The following LIPN variants were observed in gnomAD, a reference collection of about 807,000 sequenced individuals.
LIPN encodes lipase member N.
A neutral mutation model predicts 43.7 loss-of-function variants in LIPN; 32 were observed. The ratio of observed to expected loss-of-function variants is 0.73; its 90% CI spans 0.55 to 0.98. LIPN has a LOEUF of 0.98. Among genes scored for constraint, LIPN ranks in the 50% least tolerant of loss-of-function variants. LIPN has a pLI of 0.00. For missense variants in LIPN, 505 were observed against 483.8 expected (o/e 1.04, Z -0.41); for synonymous variants, 156 against 157.6 (o/e 0.99, Z 0.08).
upstream of LIPN, among the ~76,000 whole-genome samples, chr10:88,758,219 GT>G (rs1285908819): frequency 6.6e-6 from 1 of 152,000 alleles, no homozygotes; most frequent in Admixed American, 6.6e-5. Context: ...AACCATGTGT[GT>G]TCCACCATCT....
intron 7 of LIPN, among the ~76,000 whole-genome samples, chr10:88,772,771 A>T (rs1176461428): frequency 6.6e-6 from 1 of 151,820 alleles, no homozygotes; most frequent in East Asian, 1.9e-4. Flanking sequence ...GCTAGAACTG[A>T]TAAACAAATT....
chr10:88,766,564 T>C (rs1843103589), intron 5 of LIPN, among the ~76,000 whole-genome samples, 186 bp downstream of exon 5: 1 of 151,918 alleles, frequency 6.6e-6, no homozygotes, highest in Non-Finnish European at 1.5e-5. Flanking sequence ...AGACTATATG[T>C]AGGGCAAACC....
At chr10:88,758,372 A>AAC (rs1179032695), upstream of LIPN, among the ~76,000 whole-genome samples, 5 of 151,074 alleles carry the variant, frequency 3.3e-5, no homozygotes, top group Non-Finnish European at 7.4e-5. Context: ...ATTAAAAAAA[A>AAC]AAAAAAGGAA....
intron 7 of LIPN, among the ~76,000 whole-genome samples, chr10:88,772,292 G>T (rs1343206333): frequency 1.3e-5 from 2 of 151,786 alleles, no homozygotes; most frequent in Non-Finnish European, 2.9e-5. Context: ...GTTTGCTTTG[G>T]TTGCCTGTGC....
chr10:88,758,145 G>A (rs892681124), upstream of LIPN, among the ~76,000 whole-genome samples: 4 of 151,976 alleles, frequency 2.6e-5, no homozygotes, highest in Non-Finnish European at 5.9e-5. Context: ...GTTTTGAATA[G>A]GACATTGGAA....
chr10:88,759,308 T>C (rs1294015488), upstream of LIPN, among the ~76,000 whole-genome samples: 1 of 152,164 alleles, frequency 6.6e-6, no homozygotes, highest in Non-Finnish European at 1.5e-5. Flanking sequence ...CCCTTCTTCA[T>C]GCTGGGAGAT....
intron 5 of LIPN, among the ~76,000 whole-genome samples, chr10:88,767,459 A>T (rs1229853294): frequency 6.6e-6 from 1 of 151,616 alleles, no homozygotes; most frequent in African/African-American, 2.4e-5. Flanking sequence ...AAACAACCCG[A>T]ATGTTATTAT....
chr10:88,764,458 C>T lies in LIPN; in HGVS notation c.275C>T (p.Ala92Val). ...CAGCATGCCCTGTTTGCAGACAATG[C>T]CTACTGGCTTGAGAATTATGCTAAT... Reference protein sequence around the residue: ...YMQHALFADNAYWLENYANGS... With the variant: ...YMQHALFADNVYWLENYANGS... The change falls in exon 4 of 10, where the codon GCC becomes GTC. Residue 92 changes from alanine to valine, a missense_variant. By Grantham distance (64) the Ala-to-Val change is moderately conservative. Transcript: ENST00000404459. 5 of 1,612,344 alleles carry T rather than the reference C, an allele frequency of 3.1e-6. No individual in the cohort carries two copies. Among genetic ancestry groups the T allele is most frequent in the Non-Finnish European group, 4.2e-6 (5 of 1,179,012 alleles).
chr10:88,763,321 T>C (rs905027232), intron 3 of LIPN, among the ~76,000 whole-genome samples: 9 of 152,200 alleles, frequency 5.9e-5, no homozygotes, highest in African/African-American at 1.9e-4. Flanking sequence ...TTGCTTACTT[T>C]TGTTTTTATT....
At chr10:88,764,381 C>T in intron 3 of LIPN, 29 bp from the exon 4 acceptor site, 1 of 1,554,180 alleles carries the variant, frequency 6.4e-7, no homozygotes. Flanking sequence ...CTCTTTCTCC[C>T]TCTCTCATCT....
At chr10:88,767,314 T>C (rs996093011) in intron 5 of LIPN, among the ~76,000 whole-genome samples, 2 of 151,806 alleles carry the variant, frequency 1.3e-5, no homozygotes, top group African/African-American at 4.8e-5. Context: ...ACTAAAAAAG[T>C]ATCAAAGAAC....
Position 88,776,333 on chromosome 10 carries a change from G to GT in LIPN, c.963+1174dup, listed in dbSNP as rs150595662. ...CTCATTTTGGACTTTACATATGTCTGTTTTCTTCCATTATTTTGAATAAAC... is the reference window on the plus strand; with the variant it reads ...CTCATTTTGGACTTTACATATGTCTGTTTTTCTTCCATTATTTTGAATAAAC... On this transcript the variant is annotated intron_variant, in intron 9 of 9. Coordinates refer to ENST00000404459, the MANE Select transcript of LIPN (RefSeq NM_001102469.2). Among the ~76,000 whole-genome samples, 1,268 of 152,098 alleles carry GT rather than the reference G, an allele frequency of 8.3e-3. 46 individuals are homozygous for GT. The highest frequency in any genetic ancestry group is 0.07 in the East Asian group (364 of 5,170).
Position 88,760,657 on chromosome 10 carries a change from A to G in LIPN, c.-9+551A>G, listed in dbSNP as rs563406463. On this transcript the variant is annotated intron_variant, in intron 1 of 9. Coordinates refer to ENST00000404459, the MANE Select transcript of LIPN (RefSeq NM_001102469.2). ...TTAATCCTCACTATAACCCTATGAGATAGGTTACATTATTGTCCTAATTTT... is the reference window on the plus strand; with the variant it reads ...TTAATCCTCACTATAACCCTATGAGGTAGGTTACATTATTGTCCTAATTTT... Among the ~76,000 whole-genome samples, 5 of 152,258 alleles carry G rather than the reference A, an allele frequency of 3.3e-5. No homozygotes were observed. In the South Asian group the frequency reaches 1.0e-3, roughly 32 times the overall value.
At chr10:88,765,321 T>A (rs1025537911) in intron 4 of LIPN, among the ~76,000 whole-genome samples, 13 of 152,146 alleles carry the variant, frequency 8.5e-5, no homozygotes, top group African/African-American at 3.1e-4. Context: ...GTAAACCTGA[T>A]GCTAGAACAG....
At chr10:88,760,262 T>G (rs1279933194) in intron 1 of LIPN, among the ~76,000 whole-genome samples, 156 bp downstream of exon 1, 1 of 152,100 alleles carries the variant, frequency 6.6e-6, no homozygotes, top group Non-Finnish European at 1.5e-5. Flanking sequence ...TAAATCTCTC[T>G]AAGCCTTTGT....
chr10:88,767,649 A>C (rs1406537561), intron 5 of LIPN, among the ~76,000 whole-genome samples: 1 of 11,206 alleles, frequency 8.9e-5, no homozygotes, highest in Non-Finnish European at 1.4e-4. Flanking sequence ...ATCTGCAAAA[A>C]AAAAAAAAAA....
At chr10:88,763,829 T>C (rs12769535) in intron 3 of LIPN, among the ~76,000 whole-genome samples, 1 of 152,018 alleles carries the variant, frequency 6.6e-6, no homozygotes, top group Non-Finnish European at 1.5e-5. Context: ...GGGATTTGAA[T>C]AGAAATTTGG....
rs1843332214 is a variant in LIPN, at chr10:88,778,351, C to T, written c.*109C>T. ...GTCCCCCAGCACCCTGGGGGAGATG[C>T]ACAGTGGAGTCTGTTTTCCAAGTCA... On this transcript the variant is annotated 3_prime_UTR_variant, in exon 10 of 10. Coordinates refer to ENST00000404459, the MANE Select transcript of LIPN (RefSeq NM_001102469.2). 7.2e-6 allele frequency: 5 copies of T among 698,994 alleles called. No individual in the cohort carries two copies. In the South Asian group the frequency reaches 9.3e-5, roughly 13 times the overall value. The allele number at this position is 698,994 out of a possible 1,614,324, so 43.3% of individuals were successfully genotyped here.
chr10:88,759,924 G>A (rs1024190799), upstream of LIPN, among the ~76,000 whole-genome samples: 2 of 152,056 alleles, frequency 1.3e-5, no homozygotes, highest in African/African-American at 2.4e-5. Context: ...TCAGGGACAC[G>A]CCTTGGGTGT....
Sources: gnomAD v4.1 joint callset for allele counts (sites outside exome capture counted in the v4.1 genomes callset) on GRCh38, gnomAD v4.1.1 for gene constraint, MANE v1.5 for transcripts, NCBI Gene and HGNC (gene_info 2026-07-23, HGNC 2026-07-21) for gene names.